Variants in PDE4B observed in about 807,000 individuals in gnomAD.
PDE4B encodes phosphodiesterase 4B.
A neutral mutation model predicts 82.2 loss-of-function variants in PDE4B; 20 were observed. That is an observed-to-expected ratio of 0.24 (90% CI 0.17 to 0.35). The LOEUF (loss-of-function observed/expected upper bound fraction) is 0.35, where lower values mean the gene tolerates loss of function less well. Ranked by LOEUF, PDE4B falls within the 10% of genes least tolerant of loss-of-function variation. The pLI is 1.00. For missense variants in PDE4B, 655 were observed against 907.2 expected, an observed-to-expected ratio of 0.72 and a Z score of 3.57; for synonymous variants, 320 against 318.9, an observed-to-expected ratio of 1.00 and a Z score of -0.04.
intron 3 of PDE4B, among the ~76,000 whole-genome samples, chr1:66,227,565 T>C (rs1449441762): frequency 1.3e-5 from 2 of 152,190 alleles, no homozygotes; most frequent in African/African-American, 4.8e-5. Flanking sequence ...ATATATTACT[T>C]CACCTAGCCC....
chr1:66,327,579 A>G (rs562769709), intron 7 of PDE4B, among the ~76,000 whole-genome samples: 31 of 152,306 alleles, frequency 2.0e-4, no homozygotes, highest in African/African-American at 6.5e-4. Flanking sequence ...TTTTGTGTTT[A>G]TTCTCTGATT....
chr1:66,230,165 C>T (rs964985922), intron 3 of PDE4B, among the ~76,000 whole-genome samples: 1 of 152,146 alleles, frequency 6.6e-6, no homozygotes, highest in Non-Finnish European at 1.5e-5. Context: ...TAGGCTCTTG[C>T]TCACATATGG....
chr1:66,138,997 C>G (rs781108442), intron 3 of PDE4B, among the ~76,000 whole-genome samples: 27 of 152,176 alleles, frequency 1.8e-4, no homozygotes, highest in Admixed American at 1.8e-3. Flanking sequence ...CCTACTTTAT[C>G]AACATATCAA....
chr1:66,003,902 C>T (rs1652006002), intron 3 of PDE4B, among the ~76,000 whole-genome samples: 1 of 152,100 alleles, frequency 6.6e-6, no homozygotes, highest in African/African-American at 2.4e-5. Flanking sequence ...TACCTGTCAG[C>T]CTGCTCAGCC....
Position 66,139,735 on chromosome 1 carries a change from C to CAAAAA in PDE4B, c.282-107712_282-107708dup, listed in dbSNP as rs10654385. Among the ~76,000 whole-genome samples, 125 of 99,806 alleles carry CAAAAA rather than the reference C, an allele frequency of 1.3e-3. 1 individual carries two copies. The highest frequency in any genetic ancestry group is 1.7e-3 in the Non-Finnish European group (79 of 47,284). The allele number at this position is 99,806 out of a possible 152,430, so 65.5% of individuals were successfully genotyped here. Reference sequence around the variant, plus strand: ...ACTTAAATAATTCCCCCTCCCCCCTCAAAAAAAAAAAAAAAAACAAAAAAC... The same window carrying CAAAAA: ...ACTTAAATAATTCCCCCTCCCCCCTCAAAAAAAAAAAAAAAAAAAAAACAAAAAAC... On this transcript the variant is annotated intron_variant, in intron 3 of 16. Transcript: ENST00000341517.
rs554858228 is a variant in PDE4B, at chr1:65,803,005, T to C, written c.-71+9757T>C. 3.7e-4 allele frequency among the ~76,000 whole-genome samples: 57 copies of C among 152,280 alleles called. No homozygotes were observed. The Middle Eastern group carries it at 0.01, about 27-fold the overall frequency. On this transcript the variant is annotated intron_variant, in intron 1 of 16. Coordinates refer to ENST00000341517, the MANE Select transcript of PDE4B (RefSeq NM_002600.4). ...CTATTTATTTATAAAATGTTATGCTTTTTTGTTTTCCCTAAATTTTTAATG... is the reference window on the plus strand; with the variant it reads ...CTATTTATTTATAAAATGTTATGCTCTTTTGTTTTCCCTAAATTTTTAATG...
intron 8 of PDE4B, among the ~76,000 whole-genome samples, chr1:66,335,631 C>A (rs1454936418): frequency 6.6e-6 from 1 of 152,134 alleles, no homozygotes; most frequent in African/African-American, 2.4e-5. Context: ...TGGCCACAGT[C>A]CAGATGGAAT....
At chr1:65,825,706 C>CTATCTATCTA (rs1226953861) in intron 1 of PDE4B, among the ~76,000 whole-genome samples, 1 of 16,804 alleles carries the variant, frequency 6.0e-5, no homozygotes, top group East Asian at 1.6e-3. Context: ...ACAAAATTAC[C>CTATCTATCTA]TATCTATCTA....
chr1:66,322,010 A>G (rs1375536041), intron 7 of PDE4B, among the ~76,000 whole-genome samples: 1 of 152,200 alleles, frequency 6.6e-6, no homozygotes. Flanking sequence ...GTCCTCAGAA[A>G]TAACACCACA....
intron 3 of PDE4B, among the ~76,000 whole-genome samples, chr1:66,210,983 AGTAGT>A (rs948893573): frequency 2.6e-5 from 4 of 152,184 alleles, no homozygotes; most frequent in Non-Finnish European, 4.4e-5. Context: ...GTAGAACAAG[AGTAGT>A]GGGCAGCCTA....
intron 3 of PDE4B, among the ~76,000 whole-genome samples, chr1:66,151,638 T>C (rs530634632): frequency 1.3e-5 from 2 of 152,208 alleles, no homozygotes; most frequent in Non-Finnish European, 2.9e-5. Context: ...CTATCTGTGG[T>C]TTAAAACTCA....
At chr1:65,965,291 A>C (rs1483830934) in intron 3 of PDE4B, among the ~76,000 whole-genome samples, 1 of 152,036 alleles carries the variant, frequency 6.6e-6, no homozygotes, top group African/African-American at 2.4e-5. Flanking sequence ...CTGTACGATT[A>C]ATTAGAATTC....
intron 3 of PDE4B, among the ~76,000 whole-genome samples, chr1:66,153,997 G>T (rs1221428613): frequency 1.3e-5 from 2 of 152,062 alleles, no homozygotes; most frequent in African/African-American, 2.4e-5. Context: ...GCACCTGGGA[G>T]GAATTACTAA....
intron 3 of PDE4B, among the ~76,000 whole-genome samples, chr1:66,136,829 A>G (rs921803035): frequency 6.6e-6 from 1 of 152,116 alleles, no homozygotes; most frequent in African/African-American, 2.4e-5. Flanking sequence ...GAGACAGAGA[A>G]GCAATGGTTG....
rs1368674628 is a variant in PDE4B at position 65,918,811 on chromosome 1, C to T, written c.257C>T (p.Ala86Val). 4 of 1,610,162 alleles carry T rather than the reference C, an allele frequency of 2.5e-6. No individual in the cohort carries two copies. The highest frequency in any genetic ancestry group is 3.4e-6 in the Non-Finnish European group (4 of 1,176,490). The change falls in exon 3 of 17, where the codon GCT becomes GTT. Residue 86 changes from alanine to valine, a missense_variant. Around this residue, in one of 3 missense-constraint regions of PDE4B, gnomAD observed 253 missense variants for 275.6 expected, o/e 0.92. Coordinates refer to ENST00000341517, the MANE Select transcript of PDE4B (RefSeq NM_002600.4). ...CCTTTGACAACGCTTCCAAGCATTG[C>T]TATTACAACTGTAAGCCAGGAGTGG... is the stretch of plus-strand genomic sequence containing the variant. ...TLPLTTLPSIAITTVSQECFD... is the reference protein window; with the variant it reads ...TLPLTTLPSIVITTVSQECFD...
chr1:66,358,649 G>C (rs889254289), intron 9 of PDE4B, among the ~76,000 whole-genome samples: 4 of 150,370 alleles, frequency 2.7e-5, no homozygotes, highest in Admixed American at 6.6e-5. Flanking sequence ...ACTCCAGCCT[G>C]GGCGAGAAGA....
At chr1:66,133,515 G>A (rs1645994663) in intron 3 of PDE4B, among the ~76,000 whole-genome samples, 1 of 152,210 alleles carries the variant, frequency 6.6e-6, no homozygotes, top group Admixed American at 6.5e-5. Flanking sequence ...AACCTCAAGA[G>A]TGAATCACAA....
At chr1:66,343,609 C>T (rs1275832937) in intron 8 of PDE4B, among the ~76,000 whole-genome samples, 1 of 152,178 alleles carries the variant, frequency 6.6e-6, no homozygotes, top group Non-Finnish European at 1.5e-5. Context: ...TTGCAGGATT[C>T]GGGCTAATAC....
intron 3 of PDE4B, among the ~76,000 whole-genome samples, chr1:66,063,917 C>T (rs1655710388): frequency 1.3e-5 from 2 of 151,874 alleles, no homozygotes; most frequent in Admixed American, 1.3e-4. Context: ...TTCTCTGAGT[C>T]CTCTGAAATG....
Sources: allele counts gnomAD v4.1 joint callset (sites outside exome capture counted in the v4.1 genomes callset), GRCh38; gene constraint gnomAD v4.1.1; regional missense constraint gnomAD v4.1.1; transcripts MANE v1.5; gene names NCBI Gene and HGNC (gene_info 2026-07-23, HGNC 2026-07-21).